The following PLEKHM3 variants were observed in gnomAD, a reference collection of about 807,000 sequenced individuals.
PLEKHM3 encodes pleckstrin homology domain containing M3.
A neutral mutation model predicts 81.8 loss-of-function variants in PLEKHM3; 45 were observed. That is an observed-to-expected ratio of 0.55 (90% CI 0.43 to 0.71). The LOEUF is 0.71. PLEKHM3 is among the 30% of genes least tolerant of loss of function. The probability of loss-of-function intolerance (pLI) is 0.00; values close to 1 mark genes in which losing one functional copy is unlikely to be tolerated. For synonymous variants in PLEKHM3, 352 were observed against 356.4 expected (o/e 0.99, Z 0.14); for missense variants, 788 against 924.3 (o/e 0.85, Z 1.91).
chr2:207,973,466 C>T (rs184486694), intron 3 of PLEKHM3, among the ~76,000 whole-genome samples: 17 of 152,302 alleles, frequency 1.1e-4, no homozygotes, highest in Non-Finnish European at 1.9e-4. Flanking sequence ...CTGGCACAGG[C>T]GGTGGCTTAC....
At chr2:207,949,515 G>A (rs1690260073) in intron 3 of PLEKHM3, among the ~76,000 whole-genome samples, 1 of 152,188 alleles carries the variant, frequency 6.6e-6, no homozygotes, top group Admixed American at 6.5e-5. Context: ...ACTCCAGCCT[G>A]AGTGATAGAG....
At chr2:207,975,177 T>C (rs1236943041) in intron 3 of PLEKHM3, among the ~76,000 whole-genome samples, 2 of 151,226 alleles carry the variant, frequency 1.3e-5, no homozygotes, top group Non-Finnish European at 3.0e-5. Flanking sequence ...CTGATCCCAC[T>C]CTGCAAGTTT....
intron 2 of PLEKHM3, among the ~76,000 whole-genome samples, chr2:207,997,007 C>A (rs1247734972): frequency 1.6e-4 from 24 of 146,064 alleles, no homozygotes; most frequent in South Asian, 4.4e-4. Context: ...ACTTTATGTC[C>A]AAAAAAAAAA....
At chr2:208,018,001 T>C (rs917286622) in intron 1 of PLEKHM3, among the ~76,000 whole-genome samples, 2 of 152,148 alleles carry the variant, frequency 1.3e-5, no homozygotes, top group Non-Finnish European at 2.9e-5. Flanking sequence ...AACCCTCTTA[T>C]CTAGTTTCTC....
chr2:207,988,852 C>A (rs550345510), intron 2 of PLEKHM3, among the ~76,000 whole-genome samples: 2 of 152,308 alleles, frequency 1.3e-5, no homozygotes, highest in South Asian at 2.1e-4. Flanking sequence ...CAGCCACAAT[C>A]CTCTCTTATG....
At chr2:207,845,274 T>C (rs1014270751) in intron 7 of PLEKHM3, among the ~76,000 whole-genome samples, 2 of 152,226 alleles carry the variant, frequency 1.3e-5, no homozygotes, top group Non-Finnish European at 2.9e-5. Context: ...ATAACAAACA[T>C]GTATTGACAA....
At chr2:207,831,597 GA>G in intron 7 of PLEKHM3, among the ~76,000 whole-genome samples, 1 of 152,312 alleles carries the variant, frequency 6.6e-6, no homozygotes, top group Non-Finnish European at 1.5e-5. Context: ...ACTAAAATGA[GA>G]AATATACTTT....
intron 3 of PLEKHM3, among the ~76,000 whole-genome samples, chr2:207,972,760 C>A (rs568044073): frequency 6.6e-6 from 1 of 152,070 alleles, no homozygotes; most frequent in African/African-American, 2.4e-5. Context: ...TTTTTAAAAC[C>A]ATAACCTCAG....
intron 2 of PLEKHM3, among the ~76,000 whole-genome samples, chr2:207,978,389 T>G (rs759362035): frequency 6.7e-6 from 1 of 148,720 alleles, no homozygotes; most frequent in Non-Finnish European, 1.5e-5. Flanking sequence ...TGCACCAACC[T>G]AACAGTACCA....
intron 7 of PLEKHM3, among the ~76,000 whole-genome samples, chr2:207,848,760 C>T (rs73062866): frequency 1.3e-5 from 2 of 152,072 alleles, no homozygotes; most frequent in Admixed American, 6.6e-5. Context: ...TGCAGTGAAA[C>T]GCAAAATGAC....
intron 7 of PLEKHM3, among the ~76,000 whole-genome samples, chr2:207,859,687 G>A (rs561831368): frequency 2.6e-5 from 4 of 151,142 alleles, no homozygotes; most frequent in African/African-American, 7.3e-5. Flanking sequence ...AGCCTCCACC[G>A]CCTGGGTTCA....
chr2:207,909,306 G>C (rs919241046), intron 5 of PLEKHM3, among the ~76,000 whole-genome samples: 2 of 152,190 alleles, frequency 1.3e-5, no homozygotes, highest in Non-Finnish European at 2.9e-5. Flanking sequence ...TAAGCAAACA[G>C]GTTACCAAAG....
intron 6 of PLEKHM3, among the ~76,000 whole-genome samples, chr2:207,892,177 G>A (rs1688078711): frequency 6.6e-6 from 1 of 152,040 alleles, no homozygotes; most frequent in Non-Finnish European, 1.5e-5. Flanking sequence ...CTGCATCACA[G>A]TACATTGAAC....
At chr2:207,988,134 T>G (rs958028676) in intron 2 of PLEKHM3, among the ~76,000 whole-genome samples, 6 of 152,226 alleles carry the variant, frequency 3.9e-5, no homozygotes, top group African/African-American at 1.4e-4. Context: ...CATACCATCT[T>G]CACTTTCCTC....
chr2:207,852,895 C>T (rs1053639061), intron 7 of PLEKHM3: 8 of 414,534 alleles, frequency 1.9e-5, no homozygotes, highest in African/African-American at 1.7e-4. Context: ...CACAGAGCTC[C>T]CTAATACTTT....
At position 207,977,102 on chromosome 2, in the gene PLEKHM3, T is replaced by G; in HGVS notation, c.1095A>C (p.Ser365=). 6.2e-7 allele frequency: 1 copy of G among 1,614,188 alleles called. No individual in the cohort carries two copies. The highest frequency in any genetic ancestry group is 8.5e-7 in the Non-Finnish European group (1 of 1,180,006). ...SSKQYQNILK[S]GTLYRLTVQN... is the part of the protein sequence containing the mutation. ...GGACAGTCAGCCTGTAGAGAGTCCC[T>G]GATTTGAGGATGTTTTGGTACTGTT... The change falls in exon 3 of 8, where the codon TCA becomes TCC. Residue 365 remains serine (S), a synonymous_variant. Coordinates refer to ENST00000427836, the MANE Select transcript of PLEKHM3 (RefSeq NM_001080475.3).
At chr2:207,846,067 T>C (rs542652707) in intron 7 of PLEKHM3, among the ~76,000 whole-genome samples, 1 of 152,192 alleles carries the variant, frequency 6.6e-6, no homozygotes, top group East Asian at 1.9e-4. Context: ...TCCAGCAGAG[T>C]GGTGGCTTGT....
chr2:207,994,206 T>C (rs758674910), intron 2 of PLEKHM3, among the ~76,000 whole-genome samples: 6 of 152,248 alleles, frequency 3.9e-5, no homozygotes, highest in Non-Finnish European at 7.3e-5. Flanking sequence ...TATGTATCTA[T>C]ACTTTGTTAT....
intron 6 of PLEKHM3, among the ~76,000 whole-genome samples, chr2:207,891,174 G>C (rs1201258693): frequency 6.6e-6 from 1 of 152,170 alleles, no homozygotes; most frequent in African/African-American, 2.4e-5. Flanking sequence ...TTGCTATCCA[G>C]GGATAGTTTT....
Sources: allele counts gnomAD v4.1 joint callset (sites outside exome capture counted in the v4.1 genomes callset), GRCh38; gene constraint gnomAD v4.1.1; transcripts MANE v1.5; gene names NCBI Gene and HGNC (gene_info 2026-07-23, HGNC 2026-07-21).